Variants in GNAI1 observed in about 807,000 individuals in gnomAD.
GNAI1 encodes guanine nucleotide-binding protein G(i) subunit alpha-1.
In GNAI1, 11 loss-of-function variants were observed where a neutral mutation model predicts 38.9. That is an observed-to-expected ratio of 0.28 (90% CI 0.18 to 0.47). The LOEUF (loss-of-function observed/expected upper bound fraction) is 0.47, where lower values mean the gene tolerates loss of function less well. Among genes scored for constraint, GNAI1 ranks in the 20% least tolerant of loss-of-function variants. GNAI1 has a pLI of 0.99. For missense variants in GNAI1, 317 were observed against 436.9 expected (o/e 0.73, Z 2.45); for synonymous variants, 166 against 145.1 (o/e 1.14, Z -1.04).
intron 3 of GNAI1, among the ~76,000 whole-genome samples, chr7:80,190,036 G>A (rs1357366630): frequency 6.6e-6 from 1 of 151,296 alleles, no homozygotes; most frequent in Non-Finnish European, 1.5e-5. Flanking sequence ...TATTTTTATG[G>A]TTCCTTTATA....
At chr7:80,200,171 A>G (rs1247219900) in intron 4 of GNAI1, among the ~76,000 whole-genome samples, 1 of 151,566 alleles carries the variant, frequency 6.6e-6, no homozygotes, top group Non-Finnish European at 1.5e-5. Flanking sequence ...AAAAAATACA[A>G]AAATTAGCCA....
At chr7:80,137,831 C>A (rs1787452940) in intron 1 of GNAI1, among the ~76,000 whole-genome samples, 1 of 152,250 alleles carries the variant, frequency 6.6e-6, no homozygotes, top group Non-Finnish European at 1.5e-5. Flanking sequence ...ACCCTTTTGC[C>A]CAGAGTTCCA....
chr7:80,189,530 A>G (rs999656502), intron 3 of GNAI1, among the ~76,000 whole-genome samples: 1 of 152,130 alleles, frequency 6.6e-6, no homozygotes. Flanking sequence ...TCCCATAATA[A>G]TTTTTAGTAC....
intron 1 of GNAI1, among the ~76,000 whole-genome samples, chr7:80,171,092 T>C (rs559251325): frequency 3.3e-5 from 5 of 152,198 alleles, no homozygotes; most frequent in African/African-American, 1.2e-4. Context: ...AAGTATATTG[T>C]TAAATTAGGA....
At chr7:80,211,231 G>T in intron 6 of GNAI1, 133 bp downstream of exon 6, 1 of 708,504 alleles carries the variant, frequency 1.4e-6, no homozygotes, top group Non-Finnish European at 2.3e-6. Flanking sequence ...TGATAAAAGA[G>T]AGATATACTA....
intron 7 of GNAI1, among the ~76,000 whole-genome samples, chr7:80,214,263 A>G (rs1265745924): frequency 6.6e-6 from 1 of 152,116 alleles, no homozygotes; most frequent in Non-Finnish European, 1.5e-5. Context: ...GTCCTAAATC[A>G]CTGTATTCAG....
intron 1 of GNAI1, among the ~76,000 whole-genome samples, chr7:80,160,203 GT>G (rs11322122): frequency 0.44 from 64,508 of 145,174 alleles, 14,379 homozygotes; most frequent in African/African-American, 0.58. Flanking sequence ...ATTTTAGACA[GT>G]TTTTTTTTTT....
rs2115739091 is a variant in GNAI1, at chr7:80,221,115, A to C, written c.*3622A>C. Reference sequence around the variant, plus strand: ...TCATTGCTTAGTGTGTTATGTTGGAAGTAGAAAGTGATGGTGAAAATCCTA... The same window carrying C: ...TCATTGCTTAGTGTGTTATGTTGGACGTAGAAAGTGATGGTGAAAATCCTA... On this transcript the variant is annotated 3_prime_UTR_variant, in exon 8 of 8. Coordinates refer to ENST00000649796, the MANE Select transcript of GNAI1 (RefSeq NM_002069.6). Among the ~76,000 whole-genome samples the C allele has an allele frequency of 6.6e-6, 1 of 152,268 alleles. No homozygotes were observed. Among genetic ancestry groups the C allele is most frequent in the Non-Finnish European group, 1.5e-5 (1 of 68,024 alleles).
At chr7:80,214,835 C>A (rs1483116642) in intron 7 of GNAI1, among the ~76,000 whole-genome samples, 1 of 152,164 alleles carries the variant, frequency 6.6e-6, no homozygotes, top group African/African-American at 2.4e-5. Context: ...GCAGTCACGT[C>A]ATCTTAGCTC....
At chr7:80,150,082 T>A (rs1787697353) in intron 1 of GNAI1, among the ~76,000 whole-genome samples, 1 of 152,198 alleles carries the variant, frequency 6.6e-6, no homozygotes, top group Non-Finnish European at 1.5e-5. Context: ...TTTAATGTAC[T>A]GTTGGTTGGG....
intron 1 of GNAI1, among the ~76,000 whole-genome samples, chr7:80,145,558 T>C (rs1193143242): frequency 6.6e-6 from 1 of 152,244 alleles, no homozygotes; most frequent in Non-Finnish European, 1.5e-5. Context: ...CTTTACATTT[T>C]AGTGGTGAAA....
chr7:80,206,431 A>G (rs1306469092), intron 5 of GNAI1, among the ~76,000 whole-genome samples: 1 of 151,990 alleles, frequency 6.6e-6, no homozygotes, highest in Non-Finnish European at 1.5e-5. Context: ...TAGTCTGCTC[A>G]TTACTATTTC....
At chr7:80,199,876 G>A (rs994034248) in intron 4 of GNAI1, among the ~76,000 whole-genome samples, 5 of 152,132 alleles carry the variant, frequency 3.3e-5, no homozygotes, top group Non-Finnish European at 7.4e-5. Context: ...AAATAGCTCT[G>A]TATTTGAAAA....
intron 3 of GNAI1, among the ~76,000 whole-genome samples, chr7:80,193,690 G>A (rs1788518929): frequency 6.6e-6 from 1 of 152,064 alleles, no homozygotes; most frequent in African/African-American, 2.4e-5. Flanking sequence ...TGCACAAAAT[G>A]GATATAGAAA....
chr7:80,203,149 A>G (rs564821494), intron 4 of GNAI1, among the ~76,000 whole-genome samples: 1 of 152,308 alleles, frequency 6.6e-6, no homozygotes, highest in East Asian at 1.9e-4. Context: ...TGACTAAAAC[A>G]TGTATTGATT....
At chr7:80,197,605 T>C (rs974115712) in intron 3 of GNAI1, among the ~76,000 whole-genome samples, 1 of 152,050 alleles carries the variant, frequency 6.6e-6, no homozygotes, top group Admixed American at 6.6e-5. Flanking sequence ...ATTTGGATAA[T>C]TGAATAATTG....
chr7:80,225,749 A>G lies in GNAI1; in HGVS notation c.*8256A>G, dbSNP rs1460859197. On this transcript the variant is annotated 3_prime_UTR_variant, in exon 8 of 8. Transcript: ENST00000649796. ...TTTAACAGTCAATAAAATCATATCT[A>G]CTAATCAATACATTTGAAGTTTACT... Among the ~76,000 whole-genome samples the G allele has an allele frequency of 2.0e-5, 3 of 152,192 alleles. No individual in the cohort carries two copies. The highest frequency in any genetic ancestry group is 2.1e-4 in the South Asian group (1 of 4,834).
intron 1 of GNAI1, among the ~76,000 whole-genome samples, chr7:80,142,047 T>C (rs1288157225): frequency 6.6e-6 from 1 of 152,216 alleles, no homozygotes; most frequent in Non-Finnish European, 1.5e-5. Context: ...TCATCTACCA[T>C]GCTTCTCACT....
chr7:80,217,216 A>AGTTTCATATGTATGAAACTGACTTCT, intron 7 of GNAI1, 87 bp from the exon 8 acceptor site: 8 of 844,862 alleles, frequency 9.5e-6, no homozygotes, highest in Non-Finnish European at 1.4e-5. Flanking sequence ...AACTGACTTC[A>AGTTTCATATGTATGAAACTGACTTCT]GTTTCATATG....
Sources: gnomAD v4.1 joint callset for allele counts (sites outside exome capture counted in the v4.1 genomes callset) on GRCh38, gnomAD v4.1.1 for gene constraint, MANE v1.5 for transcripts, NCBI Gene and HGNC (gene_info 2026-07-23, HGNC 2026-07-21) for gene names.